The following FSTL5 variants were observed in gnomAD, a reference collection of about 807,000 sequenced individuals.
FSTL5 encodes the protein follistatin-related protein 5.
Under a neutral mutation model 89.1 loss-of-function variants are expected in FSTL5, and 62 were observed. The observed-to-expected ratio is 0.70, with a 90% confidence interval of 0.57 to 0.86. FSTL5 has a LOEUF of 0.86. FSTL5 is among the 40% of genes least tolerant of loss of function. FSTL5 has a pLI of 0.00. For synonymous variants in FSTL5, 383 were observed against 346.2 expected (o/e 1.11, Z -1.18); for missense variants, 1,057 against 1,001.6 (o/e 1.06, Z -0.75).
chr4:161,684,978 A>G (rs1737663982), intron 6 of FSTL5, among the ~76,000 whole-genome samples: 1 of 152,146 alleles, frequency 6.6e-6, no homozygotes, highest in African/African-American at 2.4e-5. Flanking sequence ...TGGCTTGACA[A>G]TTACTCCAGC....
At chr4:161,793,214 C>T (rs1729533266) in intron 4 of FSTL5, among the ~76,000 whole-genome samples, 1 of 152,184 alleles carries the variant, frequency 6.6e-6, no homozygotes, top group African/African-American at 2.4e-5. Flanking sequence ...ACCCTGTGCT[C>T]ATTCACCCAC....
chr4:161,979,148 G>T (rs577167056), intron 3 of FSTL5, among the ~76,000 whole-genome samples: 152 of 152,176 alleles, frequency 1.0e-3, no homozygotes, highest in Middle Eastern at 3.4e-3. Flanking sequence ...TTGGTCTATG[G>T]GATGTCAGAG....
At chr4:161,896,272 G>A (rs904222012) in intron 4 of FSTL5, among the ~76,000 whole-genome samples, 2 of 152,074 alleles carry the variant, frequency 1.3e-5, no homozygotes, top group East Asian at 1.9e-4. Flanking sequence ...TGAAACACAT[G>A]AAATAGTTGT....
intron 8 of FSTL5, among the ~76,000 whole-genome samples, chr4:161,572,238 G>C (rs1733041232): frequency 1.4e-5 from 2 of 142,376 alleles, no homozygotes; most frequent in African/African-American, 5.3e-5. Context: ...AGAATCGTTT[G>C]AACCTAGGAG....
At chr4:161,542,203 G>T (rs1731841299) in intron 9 of FSTL5, among the ~76,000 whole-genome samples, 1 of 151,884 alleles carries the variant, frequency 6.6e-6, no homozygotes, top group African/African-American at 2.4e-5. Flanking sequence ...CTTCAGAAAT[G>T]AATTTCTATA....
chr4:162,011,595 G>A (rs941248900), intron 3 of FSTL5, among the ~76,000 whole-genome samples: 2 of 151,992 alleles, frequency 1.3e-5, no homozygotes, highest in Non-Finnish European at 2.9e-5. Context: ...CCAGGTTCAA[G>A]TGACTCTCCT....
chr4:161,921,474 A>C (rs1023656163), intron 3 of FSTL5, among the ~76,000 whole-genome samples: 1 of 152,126 alleles, frequency 6.6e-6, no homozygotes, highest in African/African-American at 2.4e-5. Flanking sequence ...AAAATGAAAA[A>C]TGGCAGTAAA....
Position 161,593,693 on chromosome 4 carries a change from C to G in FSTL5, c.895-6118G>C, listed in dbSNP as rs144713795. On this transcript the variant is annotated intron_variant, in intron 7 of 15. Coordinates refer to ENST00000306100, the MANE Select transcript of FSTL5 (RefSeq NM_020116.5). ...TCAATAAAATAGAAATCCTCAATAT[C>G]ATATTATATACGATCAATCATACCA... Among the ~76,000 whole-genome samples, 5 of 152,118 alleles carry G rather than the reference C, an allele frequency of 3.3e-5. No individual in the cohort carries two copies. The East Asian group carries it at 9.7e-4, about 29-fold the overall frequency.
chr4:161,530,140 T>G, intron 10 of FSTL5, among the ~76,000 whole-genome samples: 1 of 143,012 alleles, frequency 7.0e-6, no homozygotes, highest in East Asian at 2.4e-4. Context: ...TATCAGAATC[T>G]ATTCTATTTC....
intron 13 of FSTL5, among the ~76,000 whole-genome samples, chr4:161,472,341 T>C (rs1404575386): frequency 6.6e-6 from 1 of 152,194 alleles, no homozygotes; most frequent in East Asian, 1.9e-4. Flanking sequence ...CTCTATTTTA[T>C]CTTTTGTCTA....
chr4:161,789,555 C>T (rs944076299), intron 4 of FSTL5, among the ~76,000 whole-genome samples: 27 of 152,296 alleles, frequency 1.8e-4, no homozygotes, highest in Non-Finnish European at 3.1e-4. Flanking sequence ...AAGTTCATTA[C>T]CACAATTATT....
chr4:161,394,732 T>A (rs1412341900), intron 15 of FSTL5, among the ~76,000 whole-genome samples: 2 of 152,178 alleles, frequency 1.3e-5, no homozygotes, highest in African/African-American at 4.8e-5. Flanking sequence ...ATACATAAAA[T>A]AGGTTGTAAT....
intron 6 of FSTL5, among the ~76,000 whole-genome samples, chr4:161,736,239 A>G (rs904649553): frequency 6.6e-6 from 1 of 152,196 alleles, no homozygotes; most frequent in African/African-American, 2.4e-5. Flanking sequence ...ATGACTATTT[A>G]GAAGATAGTT....
chr4:161,614,719 T>C (rs1315285966), intron 7 of FSTL5, among the ~76,000 whole-genome samples: 1 of 152,214 alleles, frequency 6.6e-6, no homozygotes, highest in Non-Finnish European at 1.5e-5. Context: ...CTATCTATGC[T>C]GATTAATATA....
intron 4 of FSTL5, among the ~76,000 whole-genome samples, chr4:161,833,791 G>A (rs886517504): frequency 1.3e-5 from 2 of 151,594 alleles, no homozygotes; most frequent in Non-Finnish European, 2.9e-5. Context: ...ATGGGAGATG[G>A]GTTTCCTGAA....
At chr4:161,686,114 A>G (rs1430199191) in intron 6 of FSTL5, among the ~76,000 whole-genome samples, 3 of 151,320 alleles carry the variant, frequency 2.0e-5, no homozygotes, top group Admixed American at 2.0e-4. Context: ...CCACTTGATC[A>G]TGATGGATTA....
intron 4 of FSTL5, among the ~76,000 whole-genome samples, chr4:161,880,369 A>T (rs889206414): frequency 6.6e-6 from 1 of 152,106 alleles, no homozygotes; most frequent in Non-Finnish European, 1.5e-5. Flanking sequence ...ATTAAATATA[A>T]CAGAACTTGG....
chr4:162,015,585 T>A (rs1370653846), intron 3 of FSTL5, among the ~76,000 whole-genome samples: 2 of 152,152 alleles, frequency 1.3e-5, no homozygotes, highest in African/African-American at 4.8e-5. Flanking sequence ...GATGGATAAT[T>A]TCAGATTAAT....
chr4:162,051,279 A>C (rs888700200), intron 2 of FSTL5, among the ~76,000 whole-genome samples: 25 of 151,572 alleles, frequency 1.6e-4, no homozygotes, highest in African/African-American at 6.0e-4. Flanking sequence ...TCATCTAATA[A>C]GAGATTTAAC....
Sources: gnomAD v4.1 joint callset for allele counts (sites outside exome capture counted in the v4.1 genomes callset) on GRCh38, gnomAD v4.1.1 for gene constraint, MANE v1.5 for transcripts, NCBI Gene and HGNC (gene_info 2026-07-23, HGNC 2026-07-21) for gene names.